Variants in PLCXD3 observed in about 807,000 individuals in gnomAD.
PLCXD3 encodes the protein PI-PLC X domain-containing protein 3.
In PLCXD3, 19 loss-of-function variants were observed where a neutral mutation model predicts 25.5. That is an observed-to-expected ratio of 0.75 (90% CI 0.52 to 1.09). The LOEUF is 1.09. Among genes scored for constraint, PLCXD3 ranks in the 50% least tolerant of loss-of-function variants. The pLI is 0.00. For missense variants in PLCXD3, 411 were observed against 388.1 expected, an observed-to-expected ratio of 1.06 and a Z score of -0.50; for synonymous variants, 174 against 137.6, an observed-to-expected ratio of 1.26 and a Z score of -1.85.
intron 1 of PLCXD3, among the ~76,000 whole-genome samples, chr5:41,392,056 C>T (rs902951073): frequency 6.6e-6 from 1 of 152,092 alleles, no homozygotes; most frequent in Non-Finnish European, 1.5e-5. Context: ...GAAGGTAGAC[C>T]TATAAGGTTT....
At chr5:41,329,185 T>A (rs1477335963) in intron 2 of PLCXD3, among the ~76,000 whole-genome samples, 1 of 152,204 alleles carries the variant, frequency 6.6e-6, no homozygotes, top group East Asian at 1.9e-4. Flanking sequence ...GCCCCGTCAC[T>A]TGGTGTTAAA....
chr5:41,400,227 A>G (rs953156385), intron 1 of PLCXD3, among the ~76,000 whole-genome samples: 2 of 152,130 alleles, frequency 1.3e-5, no homozygotes, highest in African/African-American at 4.8e-5. Context: ...AAACGCTTAC[A>G]CACTGTTGGT....
chr5:41,441,232 A>T (rs959234954), intron 1 of PLCXD3, among the ~76,000 whole-genome samples: 4 of 152,228 alleles, frequency 2.6e-5, no homozygotes, highest in Admixed American at 2.0e-4. Flanking sequence ...AAGGAAGTGG[A>T]TACCTGGCAA....
intron 1 of PLCXD3, among the ~76,000 whole-genome samples, chr5:41,429,265 A>G (rs1747037289): frequency 6.6e-6 from 1 of 152,092 alleles, no homozygotes; most frequent in African/African-American, 2.4e-5. Context: ...TGATCTTCCA[A>G]TAAAGTCAGA....
intron 1 of PLCXD3, among the ~76,000 whole-genome samples, chr5:41,403,365 AC>A (rs1409686559): frequency 1.9e-5 from 2 of 103,042 alleles, no homozygotes; most frequent in Non-Finnish European, 4.2e-5. Context: ...CACTAAGAAT[AC>A]CCATATGCCA....
intron 2 of PLCXD3, among the ~76,000 whole-genome samples, chr5:41,361,625 A>C (rs1232318084): frequency 6.6e-6 from 1 of 152,242 alleles, no homozygotes; most frequent in Non-Finnish European, 1.5e-5. Context: ...TGGAATGAAC[A>C]ATAGAAACCT....
chr5:41,410,616 C>T (rs1746491565), intron 1 of PLCXD3, among the ~76,000 whole-genome samples: 1 of 152,154 alleles, frequency 6.6e-6, no homozygotes, highest in Non-Finnish European at 1.5e-5. Context: ...AGCTGTCCTT[C>T]TACCCAGGCC....
chr5:41,376,545 C>A (rs1183454514), intron 2 of PLCXD3, among the ~76,000 whole-genome samples: 2 of 152,044 alleles, frequency 1.3e-5, no homozygotes, highest in Admixed American at 6.6e-5. Context: ...CTGTAACCAA[C>A]CCTGATTTCT....
intron 2 of PLCXD3, among the ~76,000 whole-genome samples, chr5:41,336,873 C>T (rs1229487952): frequency 1.3e-5 from 2 of 152,058 alleles, no homozygotes; most frequent in East Asian, 3.9e-4. Flanking sequence ...AGGTGTTGAT[C>T]CCAAGAGAAT....
At chr5:41,461,737 T>C (rs1747878115) in intron 1 of PLCXD3, among the ~76,000 whole-genome samples, 2 of 152,004 alleles carry the variant, frequency 1.3e-5, no homozygotes, top group South Asian at 4.1e-4. Flanking sequence ...AGCAGCTTAT[T>C]CTGCTCCCAA....
chr5:41,449,260 T>C (rs530011533), intron 1 of PLCXD3, among the ~76,000 whole-genome samples: 2 of 152,222 alleles, frequency 1.3e-5, no homozygotes, highest in Non-Finnish European at 2.9e-5. Context: ...TTTGCATTAA[T>C]GCATTTTATA....
chr5:41,442,932 TAA>T, intron 1 of PLCXD3, among the ~76,000 whole-genome samples: 1 of 151,902 alleles, frequency 6.6e-6, no homozygotes, highest in African/African-American at 2.4e-5. Context: ...GTGACAAAAA[TAA>T]AGACAGGAAA....
At chr5:41,436,638 G>C (rs1747261052) in intron 1 of PLCXD3, among the ~76,000 whole-genome samples, 1 of 152,122 alleles carries the variant, frequency 6.6e-6, no homozygotes, top group Non-Finnish European at 1.5e-5. Context: ...TGGCCCTGAA[G>C]TCTTTCAATG....
intron 1 of PLCXD3, among the ~76,000 whole-genome samples, chr5:41,491,457 G>T (rs1166486541): frequency 1.3e-5 from 2 of 152,156 alleles, no homozygotes; most frequent in African/African-American, 4.8e-5. Flanking sequence ...GGTCCACTTG[G>T]TGCAGAGCTG....
intron 2 of PLCXD3, among the ~76,000 whole-genome samples, chr5:41,368,763 T>C (rs1745009239): frequency 6.6e-6 from 1 of 152,208 alleles, no homozygotes; most frequent in Non-Finnish European, 1.5e-5. Flanking sequence ...TTGAATTTTA[T>C]CAAAAGCCTT....
At chr5:41,441,169 A>AT (rs1747376086) in intron 1 of PLCXD3, among the ~76,000 whole-genome samples, 1 of 152,168 alleles carries the variant, frequency 6.6e-6, no homozygotes, top group Non-Finnish European at 1.5e-5. Context: ...AAAGACAGCA[A>AT]CCTGAAAAGA....
intron 2 of PLCXD3, among the ~76,000 whole-genome samples, chr5:41,345,934 C>A (rs977969291): frequency 2.7e-4 from 41 of 150,828 alleles, no homozygotes; most frequent in African/African-American, 1.0e-3. Context: ...GGCTGGAGTG[C>A]AGTGGCACTA....
chr5:41,332,693 C>A (rs1378238864), intron 2 of PLCXD3, among the ~76,000 whole-genome samples: 5 of 152,006 alleles, frequency 3.3e-5, no homozygotes, highest in Non-Finnish European at 7.4e-5. Context: ...TGGAACCAAC[C>A]CAAATGTCCA....
chr5:41,509,384 G>A (rs567526635), intron 1 of PLCXD3, among the ~76,000 whole-genome samples: 1 of 152,220 alleles, frequency 6.6e-6, no homozygotes, highest in Non-Finnish European at 1.5e-5. Context: ...TGACAATAAA[G>A]TATGGCCGTG....
Sources: allele counts gnomAD v4.1 joint callset (sites outside exome capture counted in the v4.1 genomes callset), GRCh38; gene constraint gnomAD v4.1.1; transcripts MANE v1.5; gene names NCBI Gene and HGNC (gene_info 2026-07-23, HGNC 2026-07-21).